Variants in SNX29 observed in about 807,000 individuals in gnomAD.
SNX29 encodes the protein sorting nexin 29.
In SNX29, 78 loss-of-function variants were observed where a neutral mutation model predicts 102.1. That is an observed-to-expected ratio of 0.76 (90% CI 0.64 to 0.92). SNX29 has a LOEUF of 0.92. Among genes scored for constraint, SNX29 ranks in the 40% least tolerant of loss-of-function variants. The pLI is 0.00. For synonymous variants in SNX29, 580 were observed against 414.5 expected (o/e 1.40, Z -4.85); for missense variants, 1,280 against 1,061.7 (o/e 1.21, Z -2.86).
At chr16:12,543,264 C>A (rs1000827248) in intron 20 of SNX29, among the ~76,000 whole-genome samples, 1 of 152,208 alleles carries the variant, frequency 6.6e-6, no homozygotes, top group East Asian at 1.9e-4. Flanking sequence ...AGCTCTGGGT[C>A]ATCAGCGCAT....
intron 14 of SNX29, among the ~76,000 whole-genome samples, chr16:12,206,726 G>C (rs996603594): frequency 6.6e-6 from 1 of 151,154 alleles, no homozygotes; most frequent in African/African-American, 2.4e-5. Flanking sequence ...TCCTAGTATT[G>C]GCTTTTAATG....
intron 15 of SNX29, among the ~76,000 whole-genome samples, chr16:12,298,052 C>G (rs1282219872): frequency 6.6e-6 from 1 of 152,184 alleles, no homozygotes; most frequent in Admixed American, 6.5e-5. Context: ...CGTCTGCGAT[C>G]CCAGCTACTT....
chr16:12,459,725 G>A (rs575152837), intron 18 of SNX29, among the ~76,000 whole-genome samples: 207 of 152,260 alleles, frequency 1.4e-3, no homozygotes, highest in Admixed American at 2.3e-3. Flanking sequence ...GCATGGCCTC[G>A]CAGCTAACCT....
At chr16:12,508,280 C>G (rs2089463815) in intron 19 of SNX29, among the ~76,000 whole-genome samples, 1 of 152,196 alleles carries the variant, frequency 6.6e-6, no homozygotes, top group South Asian at 2.1e-4. Flanking sequence ...AGCTGGGCCC[C>G]ATGCTTCCCA....
At chr16:12,552,704 A>T (rs1026995921) in intron 20 of SNX29, among the ~76,000 whole-genome samples, 7 of 152,170 alleles carry the variant, frequency 4.6e-5, no homozygotes, top group African/African-American at 1.7e-4. Flanking sequence ...GAAGATTTAG[A>T]TTGGGGGACT....
chr16:12,058,797 GTTTTTTTTTTTTTTT>G (rs34150245), intron 8 of SNX29, among the ~76,000 whole-genome samples: 20 of 113,762 alleles, frequency 1.8e-4, no homozygotes, highest in African/African-American at 5.0e-4. Context: ...CCCGGCCTGG[GTTTTTTTTTTTTTTT>G]TTTTTTTTTT....
At chr16:12,473,055 G>C (rs552318421) in intron 18 of SNX29, among the ~76,000 whole-genome samples, 1 of 152,236 alleles carries the variant, frequency 6.6e-6, no homozygotes, top group East Asian at 1.9e-4. Context: ...GGCTCAAGCA[G>C]AAGGAATTGG....
intron 14 of SNX29, among the ~76,000 whole-genome samples, chr16:12,268,453 G>A (rs1477404861): frequency 6.6e-6 from 1 of 152,198 alleles, no homozygotes; most frequent in Non-Finnish European, 1.5e-5. Flanking sequence ...TGTTGCCCGT[G>A]TTTCTCCCTT....
At chr16:12,220,146 G>A (rs1018314631) in intron 14 of SNX29, among the ~76,000 whole-genome samples, 2 of 152,218 alleles carry the variant, frequency 1.3e-5, no homozygotes, top group Non-Finnish European at 2.9e-5. Flanking sequence ...GTGAGTTGGA[G>A]GTAACAAGAA....
chr16:12,498,776 A>C (rs923101920), intron 19 of SNX29, among the ~76,000 whole-genome samples: 17 of 152,334 alleles, frequency 1.1e-4, no homozygotes, highest in Middle Eastern at 3.4e-3. Flanking sequence ...AACAGCATAG[A>C]ATTTTTTCAA....
intron 13 of SNX29, among the ~76,000 whole-genome samples, chr16:12,183,993 A>G (rs1332550090): frequency 1.3e-5 from 2 of 152,214 alleles, no homozygotes; most frequent in African/African-American, 4.8e-5. Context: ...TCAAAAAATA[A>G]CCATGACAAT....
intron 14 of SNX29, among the ~76,000 whole-genome samples, chr16:12,213,313 A>T (rs2077236794): frequency 6.6e-6 from 1 of 152,096 alleles, no homozygotes; most frequent in Non-Finnish European, 1.5e-5. Flanking sequence ...AACATAAGGG[A>T]CATTAGAAAC....
intron 15 of SNX29, among the ~76,000 whole-genome samples, chr16:12,339,735 G>C (rs1596985596): frequency 6.6e-6 from 1 of 152,206 alleles, no homozygotes; most frequent in African/African-American, 2.4e-5. Context: ...AGCAATTCTT[G>C]TCATGAAGAG....
At chr16:12,058,170 G>A (rs1371756273) in intron 8 of SNX29, among the ~76,000 whole-genome samples, 1 of 152,032 alleles carries the variant, frequency 6.6e-6, no homozygotes, top group Admixed American at 6.6e-5. Context: ...TCAACATTTT[G>A]CTTCATTACA....
chr16:12,259,931 C>G (rs984038873), intron 14 of SNX29, among the ~76,000 whole-genome samples: 1 of 152,028 alleles, frequency 6.6e-6, no homozygotes, highest in African/African-American at 2.4e-5. Context: ...CCTAATCCCC[C>G]GCTGCCTCTG....
chr16:12,533,454 C>T (rs558053546), intron 20 of SNX29, among the ~76,000 whole-genome samples: 45 of 152,270 alleles, frequency 3.0e-4, no homozygotes, highest in African/African-American at 7.0e-4. Context: ...TAATGTTGCA[C>T]CTCCCCACCC....
Position 12,549,392 on chromosome 16 carries a change from G to A in SNX29, c.2319-19114G>A, listed in dbSNP as rs539134219. Among the ~76,000 whole-genome samples the A allele has an allele frequency of 2.6e-3, 403 of 152,342 alleles. 1 individual carries two copies. The highest frequency in any genetic ancestry group is 9.5e-3 in the African/African-American group (394 of 41,586). On this transcript the variant is annotated intron_variant, in intron 20 of 20. Transcript: ENST00000566228. Reference sequence around the variant, plus strand: ...CACCTGTAGTCCCAGCTACTCAGAAGGCTGAGGCAGGAGAATCTCTTGAAC... The same window carrying A: ...CACCTGTAGTCCCAGCTACTCAGAAAGCTGAGGCAGGAGAATCTCTTGAAC...
At chr16:12,334,462 G>A (rs1033805797) in intron 15 of SNX29, among the ~76,000 whole-genome samples, 1 of 152,168 alleles carries the variant, frequency 6.6e-6, no homozygotes, top group African/African-American at 2.4e-5. Context: ...CACTTTGCAT[G>A]AATGATTTCA....
At chr16:12,477,255 CT>C (rs2151818680) in intron 18 of SNX29, among the ~76,000 whole-genome samples, 1 of 152,328 alleles carries the variant, frequency 6.6e-6, no homozygotes, top group Non-Finnish European at 1.5e-5. Flanking sequence ...TCCACCTCAT[CT>C]GTGTGGTGGT....
Sources: allele counts gnomAD v4.1 joint callset (sites outside exome capture counted in the v4.1 genomes callset), GRCh38; gene constraint gnomAD v4.1.1; transcripts MANE v1.5; gene names NCBI Gene and HGNC (gene_info 2026-07-23, HGNC 2026-07-21).